Variants in CADPS2 observed in about 807,000 individuals in gnomAD.
CADPS2 encodes the protein calcium dependent secretion activator 2, also known as calcium-dependent secretion activator 2.
In CADPS2, 93 loss-of-function variants were observed where a neutral mutation model predicts 172.5. The observed-to-expected ratio is 0.54, with a 90% CI of 0.46 to 0.64. The LOEUF (loss-of-function observed/expected upper bound fraction) is 0.64. Among genes scored for constraint, CADPS2 ranks in the 30% least tolerant of loss-of-function variants. CADPS2 has a pLI of 0.00. For synonymous variants in CADPS2, 546 were observed against 555.2 expected, an observed-to-expected ratio of 0.98 and a Z score of 0.23; for missense variants, 1,420 against 1,565.9, an observed-to-expected ratio of 0.91 and a Z score of 1.57.
At chr7:122,458,960 A>C (rs1211795014) in intron 14 of CADPS2, among the ~76,000 whole-genome samples, 1 of 152,142 alleles carries the variant, frequency 6.6e-6, no homozygotes, top group Non-Finnish European at 1.5e-5. Flanking sequence ...TATTTTTAAA[A>C]AACAACATAT....
At chr7:122,326,164 C>G (rs2033820275) in intron 28 of CADPS2, among the ~76,000 whole-genome samples, 4 of 151,170 alleles carry the variant, frequency 2.6e-5, no homozygotes. Context: ...TTAAAACCAT[C>G]TAAAATAAAG....
chr7:122,711,907 T>C (rs1203668181), intron 2 of CADPS2, among the ~76,000 whole-genome samples: 1 of 152,112 alleles, frequency 6.6e-6, no homozygotes, highest in Non-Finnish European at 1.5e-5. Context: ...TGCCTCAGCC[T>C]CTCAAAGTGC....
intron 8 of CADPS2, among the ~76,000 whole-genome samples, chr7:122,535,302 A>G (rs1280636409): frequency 6.6e-6 from 1 of 152,108 alleles, no homozygotes; most frequent in African/African-American, 2.4e-5. Flanking sequence ...TAACCTCCTT[A>G]TGACTCAGTG....
In CADPS2 at chr7:122,750,515, T is replaced by C. The variant is rs569474800; in HGVS notation, c.340-13447A>G. Among the ~76,000 whole-genome samples the C allele has an allele frequency of 3.3e-5, 5 of 152,212 alleles. No homozygotes were observed. The East Asian group carries it at 7.7e-4, about 24-fold the overall frequency. The stretch of plus-strand genomic sequence containing the variant: ...GCCCAGTTATAATGCCTTTGTCTCT[T>C]AGGACTTAATAATGTCTCCTGGCTC... On this transcript the variant is annotated intron_variant, in intron 1 of 29. Coordinates refer to ENST00000449022, the MANE Select transcript of CADPS2 (RefSeq NM_017954.11).
intron 1 of CADPS2, among the ~76,000 whole-genome samples, chr7:122,792,687 T>C (rs899011354): frequency 2.6e-5 from 4 of 152,334 alleles, no homozygotes; most frequent in South Asian, 2.1e-4. Flanking sequence ...TTTCCAATAG[T>C]GTATTTTCTT....
At chr7:122,764,076 C>T (rs1303546651) in intron 1 of CADPS2, among the ~76,000 whole-genome samples, 1 of 152,114 alleles carries the variant, frequency 6.6e-6, no homozygotes, top group African/African-American at 2.4e-5. Context: ...CCATTTGGAG[C>T]TCCCTCTGCC....
At chr7:122,711,416 A>G (rs1202417414) in intron 2 of CADPS2, among the ~76,000 whole-genome samples, 1 of 152,172 alleles carries the variant, frequency 6.6e-6, no homozygotes, top group African/African-American at 2.4e-5. Flanking sequence ...GTCATTATTA[A>G]GAGAAAACTA....
intron 28 of CADPS2, chr7:122,328,333 C>T (rs1220568494): frequency 1.3e-5 from 2 of 152,156 alleles, no homozygotes; most frequent in East Asian, 1.9e-4. Flanking sequence ...TCCCCAATCC[C>T]CTCCACCAAA....
In CADPS2 at chr7:122,451,409, G is replaced by C; in HGVS notation, c.2253C>G (p.Leu751=). 1 of 1,570,106 alleles carries C rather than the reference G, an allele frequency of 6.4e-7. No individual in the cohort carries two copies. The highest frequency in any genetic ancestry group is 1.4e-5 in the African/African-American group (1 of 73,744). The change falls in exon 15 of 30, where the codon CTC becomes CTG. Residue 751 remains leucine (L), a synonymous_variant. Coordinates refer to ENST00000449022, the MANE Select transcript of CADPS2 (RefSeq NM_017954.11). ...KERFEEIKER[L]SSLLENQISH... ...TTATCTGATTTTCTAAAAGGGAAGA[G>C]AGTCTCTCTTTTATCTCCTCAAATC...
chr7:122,643,730 G>A (rs980218424), intron 3 of CADPS2, among the ~76,000 whole-genome samples: 5 of 152,016 alleles, frequency 3.3e-5, no homozygotes, highest in African/African-American at 1.2e-4. Flanking sequence ...AGGGGAAGAG[G>A]GAGAGGGATG....
chr7:122,528,110 A>AGTGGTGGTGGTGGTGGTG (rs71159802), intron 8 of CADPS2, among the ~76,000 whole-genome samples: 20 of 130,124 alleles, frequency 1.5e-4, no homozygotes, highest in Middle Eastern at 3.6e-3. Context: ...TGAAGGCATT[A>AGTGGTGGTGGTGGTGGTG]GTGGTGGTGG....
chr7:122,438,769 T>A (rs73431546), intron 16 of CADPS2, among the ~76,000 whole-genome samples: 3,744 of 152,190 alleles, frequency 0.025, 93 homozygotes, highest in African/African-American at 0.052. Flanking sequence ...CAGGGACCCA[T>A]GACACCATTA....
rs141537122 is a variant in CADPS2, at chr7:122,457,970, C to T, written c.2187-6495G>A. On this transcript the variant is annotated intron_variant, in intron 14 of 29. Transcript: ENST00000449022. Reference sequence around the variant, plus strand: ...ATGCTCCCCCACCCCATCTCCAACTCATCAGGTAAGTTTGTCCTGGAAATC... The same window carrying T: ...ATGCTCCCCCACCCCATCTCCAACTTATCAGGTAAGTTTGTCCTGGAAATC... 1.7e-3 allele frequency among the ~76,000 whole-genome samples: 256 copies of T among 152,266 alleles called. No individual in the cohort carries two copies. The East Asian group carries it at 0.029, about 17-fold the overall frequency.
intron 1 of CADPS2, among the ~76,000 whole-genome samples, chr7:122,858,098 G>A (rs781509123): frequency 5.3e-4 from 80 of 152,172 alleles, no homozygotes; most frequent in Non-Finnish European, 9.6e-4. Flanking sequence ...ATTTGTCCCC[G>A]CCCACATCCT....
At chr7:122,596,504 G>A (rs545499577) in intron 6 of CADPS2, among the ~76,000 whole-genome samples, 130 of 152,228 alleles carry the variant, frequency 8.5e-4, no homozygotes, top group Non-Finnish European at 1.0e-3. Context: ...TCTGGCCTTC[G>A]TGACTCGGGC....
intron 17 of CADPS2, among the ~76,000 whole-genome samples, chr7:122,420,736 T>G (rs967954086): frequency 1.3e-5 from 2 of 152,262 alleles, no homozygotes; most frequent in African/African-American, 4.8e-5. Context: ...CAGTGACATT[T>G]AAAACAAACA....
intron 1 of CADPS2, among the ~76,000 whole-genome samples, chr7:122,815,089 TAAAGA>T (rs1800981835): frequency 6.6e-6 from 1 of 152,086 alleles, no homozygotes; most frequent in Non-Finnish European, 1.5e-5. Flanking sequence ...AGTTAAGATC[TAAAGA>T]AAAGAGGTTT....
At chr7:122,389,115 T>G (rs912649717) in intron 22 of CADPS2, among the ~76,000 whole-genome samples, 6 of 152,076 alleles carry the variant, frequency 3.9e-5, no homozygotes, top group Non-Finnish European at 7.4e-5. Flanking sequence ...AAAATCCTTA[T>G]GTTAGTAACC....
intron 2 of CADPS2, among the ~76,000 whole-genome samples, chr7:122,692,852 G>C (rs571145937): frequency 2.0e-5 from 3 of 152,352 alleles, no homozygotes; most frequent in East Asian, 1.9e-4. Flanking sequence ...TTGGCTGCTT[G>C]AGCTGGCTGC....
Sources: allele counts gnomAD v4.1 joint callset (sites outside exome capture counted in the v4.1 genomes callset), GRCh38; gene constraint gnomAD v4.1.1; transcripts MANE v1.5; gene names NCBI Gene and HGNC (gene_info 2026-07-23, HGNC 2026-07-21).